The following SAE1 variants were observed in gnomAD, a reference collection of about 807,000 sequenced individuals.
SAE1 encodes SUMO-activating enzyme subunit 1.
A neutral mutation model predicts 40.6 loss-of-function variants in SAE1; 11 were observed. That is an observed-to-expected ratio of 0.27 (90% CI 0.17 to 0.45). The LOEUF (loss-of-function observed/expected upper bound fraction) is 0.45, where lower values mean the gene tolerates loss of function less well. Among genes scored for constraint, SAE1 ranks in the 20% least tolerant of loss-of-function variants. The pLI, the probability that SAE1 is intolerant of heterozygous loss-of-function variation, is 1.00. For missense variants in SAE1, 373 were observed against 427.3 expected (o/e 0.87, Z 1.12); for synonymous variants, 155 against 154.3 (o/e 1.00, Z -0.03).
chr19:47,159,413 T>C (rs780348591), intron 5 of SAE1, among the ~76,000 whole-genome samples: 10 of 152,250 alleles, frequency 6.6e-5, no homozygotes, highest in Non-Finnish European at 1.3e-4. Flanking sequence ...TTAAGCTCCA[T>C]AGGGGGAAGG....
At chr19:47,185,929 G>A (rs1182114001) in intron 6 of SAE1, among the ~76,000 whole-genome samples, 1 of 150,550 alleles carries the variant, frequency 6.6e-6, no homozygotes, top group African/African-American at 2.4e-5. Context: ...TTTGAGTGCC[G>A]ACATAACACT....
chr19:47,158,361 T>C (rs575279562), intron 5 of SAE1, among the ~76,000 whole-genome samples: 1 of 152,270 alleles, frequency 6.6e-6, no homozygotes, highest in South Asian at 2.1e-4. Context: ...CAGAAATAGG[T>C]GCTCAGTAGT....
At chr19:47,153,666 C>T (rs2058302124) in intron 4 of SAE1, among the ~76,000 whole-genome samples, 1 of 152,164 alleles carries the variant, frequency 6.6e-6, no homozygotes, top group Non-Finnish European at 1.5e-5. Flanking sequence ...ACTGAAATTT[C>T]TCTGGTCTCC....
At chr19:47,195,770 C>G (rs1173015200) in intron 6 of SAE1, among the ~76,000 whole-genome samples, 2 of 120,266 alleles carry the variant, frequency 1.7e-5, no homozygotes, top group African/African-American at 6.5e-5. Flanking sequence ...GGGTCTCACT[C>G]TGTCACCCAG....
At chr19:47,163,821 T>G (rs2123237373) in intron 5 of SAE1, among the ~76,000 whole-genome samples, 1 of 152,306 alleles carries the variant, frequency 6.6e-6, no homozygotes, top group East Asian at 1.9e-4. Flanking sequence ...AGTCTTGCTT[T>G]ATTGCCCAGG....
Position 47,155,202 on chromosome 19 carries a change from A to T in SAE1, c.616A>T (p.Met206Leu). Reference sequence around the variant, plus strand: ...AAAACTTGATTCTTCTGAGACAACGATGGTCAAAAAGGTATGTGTAACGTG... The same window carrying T: ...AAAACTTGATTCTTCTGAGACAACGTTGGTCAAAAAGGTATGTGTAACGTG... ...RAKLDSSETT[M>L]VKKKVVFCPV... The change falls in exon 5 of 9, where the codon ATG becomes TTG. Residue 206 changes from methionine to leucine, a missense_variant. Met to Leu is a conservative substitution (Grantham distance 15). This residue lies in a region of SAE1 where 351 missense variants were observed against 390.6 expected (regional missense o/e 0.90). Transcript: ENST00000270225. 6.2e-7 allele frequency: 1 copy of T among 1,612,832 alleles called. No homozygotes were observed. The highest frequency in any genetic ancestry group is 1.1e-5 in the South Asian group (1 of 91,036).
At chr19:47,194,654 A>G (rs1034000479) in intron 6 of SAE1, among the ~76,000 whole-genome samples, 1 of 151,260 alleles carries the variant, frequency 6.6e-6, no homozygotes, top group African/African-American at 2.4e-5. Context: ...CTTGGGCAGT[A>G]TGTAGGGAAC....
At position 47,131,242 on chromosome 19, in the gene SAE1, TGGGA is replaced by T; in HGVS notation, c.98+216_98+219del. 4.0e-6 allele frequency: 5 copies of T among 1,258,760 alleles called. No homozygotes were observed. The South Asian group carries it at 1.0e-4, about 25-fold the overall frequency. The allele number at this position is 1,258,760 out of a possible 1,614,324, so 78.0% of individuals were successfully genotyped here. On this transcript the variant is annotated intron_variant, in intron 1 of 8. Transcript: ENST00000270225. ...TGGTTGGGAGGGCCGTTCCGAAGGA[TGGGA>T]GCTCTGAAGGGGGCGTTGGGGAGTC...
chr19:47,198,121 T>A (rs749303525), intron 7 of SAE1, among the ~76,000 whole-genome samples: 19 of 152,088 alleles, frequency 1.2e-4, no homozygotes, highest in Non-Finnish European at 2.2e-4. Flanking sequence ...TCTCTTTTTT[T>A]TTTTTGAGAC....
At chr19:47,138,562 G>A (rs2058197069) in intron 1 of SAE1, among the ~76,000 whole-genome samples, 1 of 152,188 alleles carries the variant, frequency 6.6e-6, no homozygotes, top group Admixed American at 6.6e-5. Context: ...GTTTGTTTTG[G>A]TGTGTCTATT....
chr19:47,185,102 C>T (rs1256476044), intron 6 of SAE1, among the ~76,000 whole-genome samples: 1 of 151,772 alleles, frequency 6.6e-6, no homozygotes, highest in East Asian at 1.9e-4. Flanking sequence ...TATAGGCGTA[C>T]TTGGAAGGTA....
chr19:47,132,550 T>A, intron 1 of SAE1, among the ~76,000 whole-genome samples: 1 of 151,788 alleles, frequency 6.6e-6, no homozygotes. Flanking sequence ...ATGCTGGGAT[T>A]ACAGGCATGA....
intron 7 of SAE1, among the ~76,000 whole-genome samples, chr19:47,199,247 G>A (rs1203351190): frequency 1.3e-5 from 2 of 151,790 alleles, no homozygotes; most frequent in East Asian, 1.9e-4. Context: ...TTAGCCAGGT[G>A]TGGTGGTGGG....
At position 47,209,902 on chromosome 19, in the gene SAE1, A is replaced by C. The variant is rs2058704957; in HGVS notation, c.*651A>C. 1 of 152,256 alleles carries C rather than the reference A, an allele frequency of 6.6e-6. No individual in the cohort carries two copies. Among genetic ancestry groups the C allele is most frequent in the Admixed American group, 6.5e-5 (1 of 15,268 alleles). 9.4% of individuals were successfully genotyped at this position (152,256 alleles called of 1,614,324 possible). A position where few individuals can be genotyped will look rare whatever the true frequency, so the allele number is the denominator to read the frequency against. On this transcript the variant is annotated 3_prime_UTR_variant, in exon 9 of 9. Coordinates refer to ENST00000270225, the MANE Select transcript of SAE1 (RefSeq NM_005500.3). Reference sequence around the variant, plus strand: ...TGAGTTCCAGCTGGGTTTTGGGAGAAAGGAGATGCTACCAAGTCTTGGATG... The same window carrying C: ...TGAGTTCCAGCTGGGTTTTGGGAGACAGGAGATGCTACCAAGTCTTGGATG...
chr19:47,133,241 G>T (rs1182356399), intron 1 of SAE1, among the ~76,000 whole-genome samples: 1 of 152,158 alleles, frequency 6.6e-6, no homozygotes, highest in Admixed American at 6.6e-5. Flanking sequence ...TTTTTGAGAC[G>T]GAGTCTTGCT....
chr19:47,193,146 C>T (rs891979977), intron 6 of SAE1, among the ~76,000 whole-genome samples: 5 of 151,622 alleles, frequency 3.3e-5, no homozygotes, highest in South Asian at 2.1e-4. Context: ...CAACCTCCAC[C>T]TCCCGGGTTC....
In SAE1 at chr19:47,130,865, G is replaced by A. The variant is rs560052027; in HGVS notation, c.-66G>A. 129 of 1,544,298 alleles carry A rather than the reference G, an allele frequency of 8.4e-5. No homozygotes were observed. Among genetic ancestry groups the A allele is most frequent in the Non-Finnish European group, 1.1e-4 (123 of 1,144,622 alleles). ...GGGCGTGCTGCCGGCGGCGGTAGGT[G>A]GCGCGCGGGTCCGGCGGGCGGTTGG... On this transcript the variant is annotated 5_prime_UTR_variant, in exon 1 of 9. Coordinates refer to ENST00000270225, the MANE Select transcript of SAE1 (RefSeq NM_005500.3).
intron 1 of SAE1, among the ~76,000 whole-genome samples, chr19:47,131,551 A>T (rs1227659911): frequency 6.6e-6 from 1 of 151,896 alleles, no homozygotes; most frequent in Admixed American, 6.6e-5. Context: ...GGAGCAAGTT[A>T]TCTCAAATGG....
At chr19:47,151,344 T>A (rs2058286619) in intron 3 of SAE1, among the ~76,000 whole-genome samples, 1 of 152,024 alleles carries the variant, frequency 6.6e-6, no homozygotes, top group South Asian at 2.1e-4. Flanking sequence ...AGAGATGGGG[T>A]TTCACCATGT....
Sources: gnomAD v4.1 joint callset for allele counts (sites outside exome capture counted in the v4.1 genomes callset) on GRCh38, gnomAD v4.1.1 for gene constraint, gnomAD v4.1.1 regional missense constraint, MANE v1.5 for transcripts, NCBI Gene and HGNC (gene_info 2026-07-23, HGNC 2026-07-21) for gene names.